The following FLYWCH1 variants were observed in gnomAD, a reference collection of about 807,000 sequenced individuals.
The protein encoded by FLYWCH1 is FLYWCH-type zinc finger 1, also known as FLYWCH-type zinc finger-containing protein 1.
In FLYWCH1, 75 loss-of-function variants were observed where a neutral mutation model predicts 66.4. The observed-to-expected ratio is 1.13, with a 90% CI of 0.94 to 1.37. FLYWCH1 has a LOEUF of 1.37. Ranked by LOEUF, FLYWCH1 falls within the 40% of genes most tolerant of loss-of-function variation. The pLI is 0.00. For missense variants in FLYWCH1, 1,334 were observed against 1,001.8 expected, an observed-to-expected ratio of 1.33 and a Z score of -4.48; for synonymous variants, 595 against 429.9, an observed-to-expected ratio of 1.38 and a Z score of -4.75.
chr16:2,942,907 G>A (rs1185191909), intron 9 of FLYWCH1, among the ~76,000 whole-genome samples: 1 of 151,634 alleles, frequency 6.6e-6, no homozygotes, highest in African/African-American at 2.4e-5. Context: ...TCGCTATGTT[G>A]GCTAGGCTGG....
At chr16:2,912,449 A>T (rs1026931257) in intron 1 of FLYWCH1, among the ~76,000 whole-genome samples, 1 of 148,768 alleles carries the variant, frequency 6.7e-6, no homozygotes, top group Non-Finnish European at 1.5e-5. Flanking sequence ...CTGGACCCGC[A>T]GCATCAGCCC....
intron 2 of FLYWCH1, among the ~76,000 whole-genome samples, chr16:2,925,567 G>T (rs1314057175): frequency 7.6e-6 from 1 of 131,804 alleles, no homozygotes. Flanking sequence ...CGGGGTAGGG[G>T]GAGTTGCGGG....
At chr16:2,913,584 C>A (rs2070063842) in intron 1 of FLYWCH1, among the ~76,000 whole-genome samples, 1 of 152,142 alleles carries the variant, frequency 6.6e-6, no homozygotes, top group African/African-American at 2.4e-5. Context: ...TGCTGCTGAA[C>A]ACCCCACGCT....
rs2070873174 is a variant in FLYWCH1 at position 2,933,723 on chromosome 16, T to TGAGTTCCTGAAGACGCCCC, written c.1258_1276dup (p.Leu426ArgfsTer242). ...CCTCTTGAACCTCCCCAGGAGGCCC[T>TGAGTTCCTGAAGACGCCCC]GAGTTCCTGAAGACGCCCCTGGGGG... On this transcript the variant is annotated frameshift_variant, in exon 6 of 10. Transcript: ENST00000253928. LOFTEE classifies it high-confidence loss of function. 4 of 1,611,908 alleles carry TGAGTTCCTGAAGACGCCCC rather than the reference T, an allele frequency of 2.5e-6. No individual in the cohort carries two copies. Among genetic ancestry groups the TGAGTTCCTGAAGACGCCCC allele is most frequent in the Non-Finnish European group, 3.4e-6 (4 of 1,178,978 alleles).
At chr16:2,932,873 G>C (rs555981529) in intron 4 of FLYWCH1, among the ~76,000 whole-genome samples, 45 of 151,618 alleles carry the variant, frequency 3.0e-4, no homozygotes, top group Non-Finnish European at 5.3e-4. Flanking sequence ...TCTCCTCTGG[G>C]TCACTCGGTG....
At position 2,938,401 on chromosome 16, in the gene FLYWCH1, G is replaced by A. The variant is rs1176013042; in HGVS notation, c.1995G>A (p.Leu665=). Residue 665 remains leucine, a synonymous_variant, in exon 8 of 10, where the codon CTG becomes CTA. Transcript: ENST00000253928. ...GCCATCAGCCTGACCTGGCAGGCCTGGAGGCCTTGAGGCAACGGGAGCGGC... is the reference window on the plus strand; with the variant it reads ...GCCATCAGCCTGACCTGGCAGGCCTAGAGGCCTTGAGGCAACGGGAGCGGC... The part of the protein sequence containing the change: ...SHCHQPDLAG[L]EALRQRERLP... 7.1e-6 allele frequency: 11 copies of A among 1,552,542 alleles called. No individual in the cohort carries two copies. The highest frequency in any genetic ancestry group is 9.6e-6 in the Non-Finnish European group (11 of 1,148,556).
chr16:2,912,401 G>A (rs1206546717), intron 1 of FLYWCH1, among the ~76,000 whole-genome samples: 1 of 120,422 alleles, frequency 8.3e-6, no homozygotes, highest in Non-Finnish European at 1.6e-5. Context: ...CTCGTCCGCC[G>A]TTTCCTGGCG....
In FLYWCH1 at chr16:2,929,913, C is replaced by T. The variant is rs183328490; in HGVS notation, c.228C>T (p.Leu76=). ...LSLEMAGPAT[L]ASTLQILPVE... ...TGGAGATGGCTGGCCCCGCCACCCT[C>T]GCCAGCACCTTGCAGATCCTGCCAG... is the stretch of plus-strand genomic sequence containing the variant. The change falls in exon 3 of 10, where the codon CTC becomes CTT. Residue 76 remains leucine, a synonymous_variant. Transcript: ENST00000253928. 3.1e-5 allele frequency: 50 copies of T among 1,613,732 alleles called. No homozygotes were observed. In the South Asian group the frequency reaches 3.8e-4, roughly 12 times the overall value.
At chr16:2,925,532 T>C (rs1028989325) in intron 2 of FLYWCH1, among the ~76,000 whole-genome samples, 6 of 130,624 alleles carry the variant, frequency 4.6e-5, no homozygotes, top group Non-Finnish European at 9.4e-5. Context: ...GTAGAAGGAC[T>C]TGTGCCCAGG....
chr16:2,938,252 C>T lies in FLYWCH1; in HGVS notation c.1846C>T (p.Leu616Phe), dbSNP rs574145417. 3.7e-6 allele frequency: 6 copies of T among 1,613,334 alleles called. No individual in the cohort carries two copies. Among genetic ancestry groups the T allele is most frequent in the South Asian group, 1.1e-5 (1 of 91,048 alleles). The change falls in exon 8 of 10, where the codon CTC (leucine) becomes TTC (phenylalanine). Residue 616 changes from leucine to phenylalanine, a missense_variant. Leu to Phe is a conservative substitution (Grantham distance 22, BLOSUM62 0). Coordinates refer to ENST00000253928, the MANE Select transcript of FLYWCH1 (RefSeq NM_001308068.2). Reference protein sequence around the residue: ...GGRFLVHESFLYRKEKAAGEK... With the variant: ...GGRFLVHESFFYRKEKAAGEK... The stretch of plus-strand genomic sequence containing the variant: ...CAGGTTCCTGGTGCACGAGTCCTTC[C>T]TCTACAGGAAGGAGAAGGCGGCTGG...
At chr16:2,932,270 C>CAAAAA (rs71158125) in intron 4 of FLYWCH1, among the ~76,000 whole-genome samples, 1,427 of 55,292 alleles carry the variant, frequency 0.026, 66 homozygotes, top group Non-Finnish European at 0.036. Context: ...GACCCTGTCT[C>CAAAAA]AAAAAAAAAA....
intron 8 of FLYWCH1, 60 bp from the exon 9 acceptor site, chr16:2,939,972 T>A: frequency 6.5e-7 from 1 of 1,545,110 alleles, no homozygotes; most frequent in South Asian, 1.2e-5. Flanking sequence ...GTGTCCTTGG[T>A]TCTGTCAGCT....
chr16:2,931,330 A>G (rs990016457), intron 4 of FLYWCH1, among the ~76,000 whole-genome samples: 7 of 144,652 alleles, frequency 4.8e-5, no homozygotes, highest in African/African-American at 1.3e-4. Context: ...AAAAAAAAAA[A>G]TACATAAATG....
intron 2 of FLYWCH1, among the ~76,000 whole-genome samples, chr16:2,929,385 A>T (rs1596369685): frequency 6.7e-6 from 1 of 150,194 alleles, no homozygotes; most frequent in Non-Finnish European, 1.5e-5. Context: ...GAGGGTGTTT[A>T]TTGTGCACAT....
At chr16:2,912,950 C>A (rs1371835957) in intron 1 of FLYWCH1, 2 of 152,168 alleles carry the variant, frequency 1.3e-5, no homozygotes, top group African/African-American at 2.4e-5. Context: ...ATTTCCAGGG[C>A]TTGATCTAGA....
At chr16:2,919,505 C>T (rs2070292705) in intron 2 of FLYWCH1, among the ~76,000 whole-genome samples, 2 of 152,008 alleles carry the variant, frequency 1.3e-5, no homozygotes, top group Admixed American at 6.6e-5. Context: ...ACCTCGTGAT[C>T]CGCCTGCCTT....
chr16:2,935,183 A>C (rs1325768437), intron 6 of FLYWCH1: 1 of 152,688 alleles, frequency 6.5e-6, no homozygotes, highest in Non-Finnish European at 1.5e-5. Context: ...TCGGCCTCCC[A>C]AAGTGCTGGG....
intron 9 of FLYWCH1, among the ~76,000 whole-genome samples, chr16:2,945,237 C>G (rs140054013): frequency 3.3e-5 from 5 of 152,234 alleles, no homozygotes; most frequent in African/African-American, 1.2e-4. Context: ...CCTGTAATCC[C>G]AGCACTTTGG....
At chr16:2,934,571 A>G (rs1431271399) in intron 6 of FLYWCH1, 2 of 446,654 alleles carry the variant, frequency 4.5e-6, no homozygotes, top group South Asian at 3.2e-5. Flanking sequence ...GAGCCATTTC[A>G]TCGTGGCCTC....
Sources: gnomAD v4.1 joint callset for allele counts (sites outside exome capture counted in the v4.1 genomes callset) on GRCh38, gnomAD v4.1.1 for gene constraint, MANE v1.5 for transcripts, NCBI Gene and HGNC (gene_info 2026-07-23, HGNC 2026-07-21) for gene names.